Variants in DNAJC15 observed in about 807,000 individuals in gnomAD.
The protein encoded by DNAJC15 is dnaJ homolog subfamily C member 15.
DNAJC15 carries 27 observed loss-of-function variants against 22.4 expected under a neutral mutation model. That is an observed-to-expected ratio of 1.20 (90% CI 0.89 to 1.66). DNAJC15 has a LOEUF of 1.66. Among genes scored for constraint, DNAJC15 ranks in the 40% most tolerant of loss-of-function variants. The probability of loss-of-function intolerance (pLI) is 0.00; values close to 1 mark genes in which losing one functional copy is unlikely to be tolerated. For synonymous variants in DNAJC15, 79 were observed against 63.2 expected, an observed-to-expected ratio of 1.25 and a Z score of -1.19; for missense variants, 208 against 187.1, an observed-to-expected ratio of 1.11 and a Z score of -0.65.
In DNAJC15 at chr13:43,112,600, G is replaced by A. The variant is rs915083265; in HGVS notation, c.*5352G>A. 6.6e-6 allele frequency: 1 copy of A among 152,122 alleles called. No individual in the cohort carries two copies. The highest frequency in any genetic ancestry group is 2.4e-5 in the African/African-American group (1 of 41,438). 9.4% of individuals were successfully genotyped at this position (152,122 alleles called of 1,614,324 possible). Reference sequence around the variant, plus strand: ...TTTAAGAAAAGCATTAATAATATTAGCTAACGTTTAGTACCTGTGCCAAAC... The same window carrying A: ...TTTAAGAAAAGCATTAATAATATTAACTAACGTTTAGTACCTGTGCCAAAC... On this transcript the variant is annotated 3_prime_UTR_variant, in exon 6 of 6. Coordinates refer to ENST00000379221, the MANE Select transcript of DNAJC15 (RefSeq NM_013238.3).
intron 5 of DNAJC15, among the ~76,000 whole-genome samples, chr13:43,094,297 TTC>T (rs1262577775): frequency 2.0e-5 from 3 of 152,244 alleles, no homozygotes; most frequent in African/African-American, 7.2e-5. Flanking sequence ...TTATCAGTAT[TTC>T]TAAAGATGTG....
At chr13:43,030,651 C>T (rs2040400364) in intron 1 of DNAJC15, among the ~76,000 whole-genome samples, 1 of 152,114 alleles carries the variant, frequency 6.6e-6, no homozygotes, top group Non-Finnish European at 1.5e-5. Context: ...AGTCTAAGTG[C>T]TATAGTGGAT....
At chr13:43,084,475 T>C (rs2040678035) in intron 4 of DNAJC15, among the ~76,000 whole-genome samples, 1 of 152,228 alleles carries the variant, frequency 6.6e-6, no homozygotes, top group Non-Finnish European at 1.5e-5. Context: ...TGTTTCTGAC[T>C]AACTGTAAAA....
At position 43,023,600 on chromosome 13, in the gene DNAJC15, C is replaced by T. The variant is rs376008459; in HGVS notation, c.-27C>T. 3 of 1,594,256 alleles carry T rather than the reference C, an allele frequency of 1.9e-6. No individual in the cohort carries two copies. Among genetic ancestry groups the T allele is most frequent in the African/African-American group, 1.3e-5 (1 of 74,476 alleles). On this transcript the variant is annotated 5_prime_UTR_variant, in exon 1 of 6. Transcript: ENST00000379221. ...GGCCGCCTCGTAGTCACTGCCGCGG[C>T]GCCTTGAGTCTCCGGGCCGCCTTGC...
chr13:43,039,828 G>C (rs536454971), intron 1 of DNAJC15, among the ~76,000 whole-genome samples: 1 of 152,286 alleles, frequency 6.6e-6, no homozygotes, highest in Admixed American at 6.5e-5. Context: ...TGACCAGCCT[G>C]GCCAATATGG....
rs564263189 is a variant in DNAJC15, at chr13:43,056,102, A to G, written c.109-9584A>G. Among the ~76,000 whole-genome samples, 7 of 151,216 alleles carry G rather than the reference A, an allele frequency of 4.6e-5. No homozygotes were observed. The East Asian group carries it at 1.2e-3, about 25-fold the overall frequency. ...GTTTTATTCCACTGTGGTCCGAGAG[A>G]GTACTTGATATAATTTTGATTTTCT... On this transcript the variant is annotated intron_variant, in intron 1 of 5. Transcript: ENST00000379221.
At chr13:43,047,420 T>C (rs2040483504) in intron 1 of DNAJC15, among the ~76,000 whole-genome samples, 1 of 152,020 alleles carries the variant, frequency 6.6e-6, no homozygotes, top group Admixed American at 6.5e-5. Context: ...GAGCTTGAAG[T>C]TGATTGCTGA....
intron 5 of DNAJC15, among the ~76,000 whole-genome samples, chr13:43,091,919 A>G (rs940147454): frequency 3.9e-5 from 6 of 152,204 alleles, no homozygotes; most frequent in Non-Finnish European, 8.8e-5. Flanking sequence ...ATAATCTAGC[A>G]TATGGTCAAT....
intron 1 of DNAJC15, among the ~76,000 whole-genome samples, chr13:43,062,709 ATTTTTCT>A (rs1179231358): frequency 5.3e-5 from 8 of 152,008 alleles, no homozygotes; most frequent in Non-Finnish European, 1.2e-4. Flanking sequence ...AATACTTTAT[ATTTTTCT>A]TTTTTCTTTT....
intron 5 of DNAJC15, among the ~76,000 whole-genome samples, chr13:43,099,168 T>C (rs1488729131): frequency 6.6e-6 from 1 of 152,178 alleles, no homozygotes; most frequent in African/African-American, 2.4e-5. Context: ...ATGGAATTAT[T>C]TTATAATTTT....
At chr13:43,061,305 A>G (rs2040557892) in intron 1 of DNAJC15, among the ~76,000 whole-genome samples, 1 of 152,156 alleles carries the variant, frequency 6.6e-6, no homozygotes, top group Non-Finnish European at 1.5e-5. Context: ...GAAAAGGGAT[A>G]GAAGTTTGAA....
intron 1 of DNAJC15, among the ~76,000 whole-genome samples, 161 bp from the exon 2 acceptor site, chr13:43,065,525 A>G (rs1402883471): frequency 1.3e-5 from 2 of 152,226 alleles, no homozygotes; most frequent in African/African-American, 2.4e-5. Context: ...AGCAGCAGAT[A>G]TAATCCCATA....
At chr13:43,083,324 C>T (rs985451966) in intron 4 of DNAJC15, among the ~76,000 whole-genome samples, 5 of 152,036 alleles carry the variant, frequency 3.3e-5, no homozygotes, top group Non-Finnish European at 5.9e-5. Context: ...CCCGCCACCA[C>T]GCCTGGCTAA....
At chr13:43,057,947 A>T (rs57722634) in intron 1 of DNAJC15, among the ~76,000 whole-genome samples, 2,680 of 152,192 alleles carry the variant, frequency 0.018, 97 homozygotes, top group East Asian at 0.13. Flanking sequence ...TCAAACACAG[A>T]TGTGATCTGT....
intron 1 of DNAJC15, among the ~76,000 whole-genome samples, chr13:43,039,361 T>G (rs1442943849): frequency 6.6e-6 from 1 of 152,210 alleles, no homozygotes; most frequent in Non-Finnish European, 1.5e-5. Flanking sequence ...AGAAACATCT[T>G]TTTGTATAAA....
chr13:43,102,608 T>A (rs926755182), intron 5 of DNAJC15, among the ~76,000 whole-genome samples: 6 of 152,088 alleles, frequency 3.9e-5, no homozygotes, highest in Non-Finnish European at 7.4e-5. Context: ...AAACTCCGTC[T>A]CAAAAAATAA....
At chr13:43,038,647 C>A (rs2040439414) in intron 1 of DNAJC15, among the ~76,000 whole-genome samples, 2 of 151,960 alleles carry the variant, frequency 1.3e-5, no homozygotes, top group Admixed American at 1.3e-4. Context: ...AAAAAATTAG[C>A]CAGGCTTGGT....
chr13:43,048,560 A>G (rs371740912), intron 1 of DNAJC15, among the ~76,000 whole-genome samples: 29 of 152,218 alleles, frequency 1.9e-4, no homozygotes, highest in Non-Finnish European at 3.7e-4. Context: ...TTTTTTGAAT[A>G]TATATCATCT....
chr13:43,112,508 A>C lies in DNAJC15; in HGVS notation c.*5260A>C, dbSNP rs1225548177. ...AATTATGACAGGATAAAAATCACAT[A>C]GAGATATTGGTTCAATATGGACATC... On this transcript the variant is annotated 3_prime_UTR_variant, in exon 6 of 6. Transcript: ENST00000379221. 2 of 152,248 alleles carry C rather than the reference A, an allele frequency of 1.3e-5. No individual in the cohort carries two copies. Among genetic ancestry groups the C allele is most frequent in the African/African-American group, 4.8e-5 (2 of 41,470 alleles). 9.4% of individuals were successfully genotyped at this position (152,248 alleles called of 1,614,324 possible).
Sources: allele counts gnomAD v4.1 joint callset (sites outside exome capture counted in the v4.1 genomes callset), GRCh38; gene constraint gnomAD v4.1.1; transcripts MANE v1.5; gene names NCBI Gene and HGNC (gene_info 2026-07-23, HGNC 2026-07-21).